Variants in SLC16A6 observed in about 807,000 individuals in gnomAD.
SLC16A6 encodes solute carrier family 16 member 6, also known as monocarboxylate transporter 7.
SLC16A6 carries 15 observed loss-of-function variants against 33.8 expected under a neutral mutation model. The observed-to-expected ratio is 0.44, with a 90% CI of 0.30 to 0.68. The LOEUF (loss-of-function observed/expected upper bound fraction) is 0.68. SLC16A6 is among the 30% of genes least tolerant of loss of function. The pLI is 0.10. For synonymous variants in SLC16A6, 219 were observed against 248.4 expected (o/e 0.88, Z 1.11); for missense variants, 451 against 661.5 (o/e 0.68, Z 3.49).
Position 68,278,182 on chromosome 17 carries a change from C to T in SLC16A6, c.139G>A (p.Val47Ile). ...CTGTCCATTAAGTCATTAAAGAAGA[C>T]ACCAAATGTCTTGATGATGCCGTAG... Reference protein sequence around the residue: ...FTYGIIKTFGVFFNDLMDSFN... With the variant: ...FTYGIIKTFGIFFNDLMDSFN... Residue 47 changes from valine to isoleucine, a missense_variant, in exon 2 of 6, where the codon GTC becomes ATC. Transcript: ENST00000580666. The T allele has an allele frequency of 6.2e-7, 1 of 1,614,136 alleles. No homozygotes were observed. The highest frequency in any genetic ancestry group is 8.5e-7 in the Non-Finnish European group (1 of 1,179,982).
Position 68,270,923 on chromosome 17 carries a change from C to G in SLC16A6, c.1237G>C (p.Val413Leu). ...GCAGAAGACATCTTCTCAATGCCCA[C>G]GACATCATCCTCAGCAAGCAGTGGA... ...HIPLLAEDDV[V>L]GIEKMSSAAG... The change falls in exon 5 of 6, where the codon GTG becomes CTG. Residue 413 changes from valine (V) to leucine (L), a missense_variant. By Grantham distance (32) the Val-to-Leu change is conservative. Transcript: ENST00000580666. 6.2e-7 allele frequency: 1 copy of G among 1,614,178 alleles called. No individual in the cohort carries two copies. Among genetic ancestry groups the G allele is most frequent in the Non-Finnish European group, 8.5e-7 (1 of 1,180,040 alleles).
chr17:68,274,412 G>C (rs1485109762), intron 2 of SLC16A6: 5 of 194,056 alleles, frequency 2.6e-5, no homozygotes, highest in Non-Finnish European at 4.4e-5. Context: ...GATGCAGTGA[G>C]CCAAGATTGC....
intron 2 of SLC16A6, among the ~76,000 whole-genome samples, chr17:68,275,014 A>C (rs2075467341): frequency 6.6e-6 from 1 of 152,170 alleles, no homozygotes; most frequent in Non-Finnish European, 1.5e-5. Context: ...TACTGACCTC[A>C]GGTGATCCGC....
chr17:68,277,374 C>T (rs146112372), intron 2 of SLC16A6, among the ~76,000 whole-genome samples: 7 of 152,068 alleles, frequency 4.6e-5, no homozygotes, highest in African/African-American at 1.4e-4. Context: ...TCGTGATCCA[C>T]CTGCCTCGGC....
intron 1 of SLC16A6, among the ~76,000 whole-genome samples, chr17:68,284,870 T>C (rs2075805979): frequency 6.6e-6 from 1 of 152,230 alleles, no homozygotes; most frequent in South Asian, 2.1e-4. Flanking sequence ...TGTGTGTTGA[T>C]ATGTCATAAA....
At chr17:68,276,956 A>G (rs1208890474) in intron 2 of SLC16A6, among the ~76,000 whole-genome samples, 1 of 152,166 alleles carries the variant, frequency 6.6e-6, no homozygotes, top group Non-Finnish European at 1.5e-5. Flanking sequence ...ATATTATGTA[A>G]TGATGAATCA....
chr17:68,284,240 A>C (rs1370629576), intron 1 of SLC16A6, among the ~76,000 whole-genome samples: 2 of 151,902 alleles, frequency 1.3e-5, no homozygotes, highest in African/African-American at 4.8e-5. Flanking sequence ...GTGTCTGCTA[A>C]AAATGCAAAA....
At position 68,269,125 on chromosome 17, in the gene SLC16A6, T is replaced by G; in HGVS notation, c.1543A>C (p.Arg515=). ...ACCGGCTCCATTTGCACGTGAACTC[T>G]GTGCTCATTTTTTGCAAGATCCATT... is the stretch of plus-strand genomic sequence containing the variant. ...LEMDLAKNEH[R]VHVQMEPV is the part of the protein sequence containing the mutation. The change falls in exon 6 of 6, where the codon AGA becomes CGA. Residue 515 remains arginine, a synonymous_variant. Coordinates refer to ENST00000580666, the MANE Select transcript of SLC16A6 (RefSeq NM_004694.5). The G allele has an allele frequency of 1.3e-6, 2 of 1,513,880 alleles. No homozygotes were observed. Among genetic ancestry groups the G allele is most frequent in the Non-Finnish European group, 1.8e-6 (2 of 1,133,430 alleles). The allele number at this position is 1,513,880 out of a possible 1,614,324, so 93.8% of individuals were successfully genotyped here.
At position 68,278,336 on chromosome 17, in the gene SLC16A6, A is replaced by G. The variant is rs1568412247; in HGVS notation, c.-7-9T>C. ...TTTGGGTCATTCTTAATCTGAAAGA[A>G]AAAGTTAAAAGCAATTCAGATCAGC... On this transcript the variant is annotated splice_polypyrimidine_tract_variant and intron_variant, in intron 1 of 5. Coordinates refer to ENST00000580666, the MANE Select transcript of SLC16A6 (RefSeq NM_004694.5). 1.9e-6 allele frequency: 3 copies of G among 1,582,802 alleles called. No homozygotes were observed. In the East Asian group the frequency reaches 6.7e-5, roughly 35 times the overall value.
In SLC16A6 at chr17:68,271,448, T is replaced by C; in HGVS notation, c.712A>G (p.Ile238Val). The C allele has an allele frequency of 1.2e-6, 2 of 1,614,178 alleles. No individual in the cohort carries two copies. Among genetic ancestry groups the C allele is most frequent in the Non-Finnish European group, 1.7e-6 (2 of 1,180,028 alleles). The change falls in exon 5 of 6, where the codon ATT becomes GTT. Residue 238 changes from isoleucine (I) to valine (V), a missense_variant. Transcript: ENST00000580666. This position sits in a 1 kb window ranked among gnomAD's most constrained non-coding sequence, Gnocchi z 5.3. ...NEKTRTSIDS[I>V]DSGVELTTSP... ...GTAGTTAGTTCTACTCCTGAGTCAATGGAGTCTATTGAGGTTCGTGTTTTC... is the reference window on the plus strand; with the variant it reads ...GTAGTTAGTTCTACTCCTGAGTCAACGGAGTCTATTGAGGTTCGTGTTTTC...
At chr17:68,278,026 C>T (rs1325365383) in intron 2 of SLC16A6, 63 bp downstream of exon 2, 1 of 1,112,808 alleles carries the variant, frequency 9.0e-7, no homozygotes, top group African/African-American at 1.6e-5. Context: ...CTACCATTAC[C>T]AAGGTAGCCA....
In SLC16A6 at chr17:68,278,208, G is replaced by A; in HGVS notation, c.113C>T (p.Thr38Ile). The change falls in exon 2 of 6, where the codon ACC becomes ATC. Residue 38 changes from threonine to isoleucine, a missense_variant. By Grantham distance (89) the Thr-to-Ile change is moderately conservative (BLOSUM62 -1). Coordinates refer to ENST00000580666, the MANE Select transcript of SLC16A6 (RefSeq NM_004694.5). ...AVSFFFVEVF[T>I]YGIIKTFGVF... ...ACCAAATGTCTTGATGATGCCGTAGGTGAAGACTTCAACGAAGAAAAATGA... is the reference window on the plus strand; with the variant it reads ...ACCAAATGTCTTGATGATGCCGTAGATGAAGACTTCAACGAAGAAAAATGA... 6.2e-7 allele frequency: 1 copy of A among 1,614,122 alleles called. No individual in the cohort carries two copies. The highest frequency in any genetic ancestry group is 8.5e-7 in the Non-Finnish European group (1 of 1,179,990).
At position 68,272,673 on chromosome 17, in the gene SLC16A6, T is replaced by G. The variant is rs782215108; in HGVS notation, c.471A>C (p.Thr157=). The change falls in exon 4 of 6, where the codon ACA becomes ACC. Residue 157 remains threonine, a synonymous_variant. Coordinates refer to ENST00000580666, the MANE Select transcript of SLC16A6 (RefSeq NM_004694.5). ...RRSIVTAVAS[T]GECFAVFAFA... is the part of the protein sequence containing the mutation. The stretch of plus-strand genomic sequence containing the variant: ...AAGCAAACACAGCGAAACATTCTCC[T>G]GTGGAAGCAACTGCAGTGACTATGG... 1.2e-6 allele frequency: 2 copies of G among 1,614,168 alleles called. No homozygotes were observed. The highest frequency in any genetic ancestry group is 2.2e-5 in the South Asian group (2 of 91,088).
chr17:68,288,767 A>G (rs1568421224), intron 1 of SLC16A6, among the ~76,000 whole-genome samples: 1 of 152,308 alleles, frequency 6.6e-6, no homozygotes, highest in East Asian at 1.9e-4. Flanking sequence ...GTCTTCTTAA[A>G]GCTCTTAGGC....
chr17:68,286,660 A>G (rs2075849542), intron 1 of SLC16A6, among the ~76,000 whole-genome samples: 1 of 151,970 alleles, frequency 6.6e-6, no homozygotes, highest in South Asian at 2.1e-4. Context: ...ACCCACCATC[A>G]TGCCCGGTTG....
intron 1 of SLC16A6, among the ~76,000 whole-genome samples, chr17:68,289,254 C>T (rs1215618114): frequency 1.3e-5 from 2 of 152,074 alleles, no homozygotes; most frequent in Non-Finnish European, 2.9e-5. Flanking sequence ...GCAGAGATGA[C>T]GCTACTGCAC....
At position 68,267,825 on chromosome 17, in the gene SLC16A6, A is replaced by G. The variant is rs1555746880; in HGVS notation, c.*1271T>C. The G allele has an allele frequency of 6.6e-6, 1 of 152,212 alleles. No individual in the cohort carries two copies. The highest frequency in any genetic ancestry group is 1.5e-5 in the Non-Finnish European group (1 of 68,032). 9.4% of individuals were successfully genotyped at this position (152,212 alleles called of 1,614,324 possible). On this transcript the variant is annotated 3_prime_UTR_variant, in exon 6 of 6. Transcript: ENST00000580666. ...ATACCTCTGGCAACTTAGACCAATC[A>G]AGTCATGTGTTATAGAAGATGTAAA...
rs529667969 is a variant in SLC16A6, at chr17:68,272,709, G to A, written c.435C>T (p.Gly145=). 6.2e-7 allele frequency: 1 copy of A among 1,614,120 alleles called. No individual in the cohort carries two copies. Among genetic ancestry groups the A allele is most frequent in the African/African-American group, 1.3e-5 (1 of 75,044 alleles). Reference sequence around the variant, plus strand: ...CTGCAGTGACTATGGAACGTCTTTTGCCAAAATATTGTGATAGGATGGTTA... The same window carrying A: ...CTGCAGTGACTATGGAACGTCTTTTACCAAAATATTGTGATAGGATGGTTA... ...PTVTILSQYF[G]KRRSIVTAVA... is the part of the protein sequence containing the mutation. The change falls in exon 4 of 6, where the codon GGC becomes GGT. Residue 145 remains glycine, a synonymous_variant. Coordinates refer to ENST00000580666, the MANE Select transcript of SLC16A6 (RefSeq NM_004694.5).
intron 1 of SLC16A6, among the ~76,000 whole-genome samples, chr17:68,281,186 T>G (rs534735402): frequency 1.3e-4 from 19 of 150,484 alleles, no homozygotes; most frequent in African/African-American, 4.6e-4. Context: ...ATTTGCAAAC[T>G]ATTCATCTGA....
Sources: allele counts gnomAD v4.1 joint callset (sites outside exome capture counted in the v4.1 genomes callset), GRCh38; gene constraint gnomAD v4.1.1; non-coding constraint Gnocchi (gnomAD v3.1); transcripts MANE v1.5; gene names NCBI Gene and HGNC (gene_info 2026-07-23, HGNC 2026-07-21).